The following TENM3 variants were observed in gnomAD, a reference collection of about 807,000 sequenced individuals.
The protein encoded by TENM3 is teneurin-3.
A neutral mutation model predicts 255.1 loss-of-function variants in TENM3; 63 were observed. That is an observed-to-expected ratio of 0.25 (90% CI 0.20 to 0.30). The LOEUF is 0.30. Among genes scored for constraint, TENM3 ranks in the 10% least tolerant of loss-of-function variants. The pLI, the probability that TENM3 is intolerant of heterozygous loss-of-function variation, is 1.00. For missense variants in TENM3, 2,929 were observed against 3,461.1 expected, an observed-to-expected ratio of 0.85 and a Z score of 3.86; for synonymous variants, 1,306 against 1,322.3, an observed-to-expected ratio of 0.99 and a Z score of 0.27.
At chr4:181,994,543 G>GT in the TENM3 span, among the ~76,000 whole-genome samples, 5 of 116,284 alleles carry the variant, frequency 4.3e-5, no homozygotes, top group African/African-American at 1.6e-4. Context: ...TGGTTTTTTT[G>GT]TTTTTTGTGG....
At chr4:181,547,302 G>A in the TENM3 span, among the ~76,000 whole-genome samples, 8 of 152,014 alleles carry the variant, frequency 5.3e-5, no homozygotes, top group East Asian at 1.5e-3. Context: ...ATAGTAGTAG[G>A]TTTGGAAGAC....
chr4:181,762,795 TGGCTAGACATGG>T, the TENM3 span, among the ~76,000 whole-genome samples: 1 of 152,192 alleles, frequency 6.6e-6, no homozygotes, highest in Non-Finnish European at 1.5e-5. Context: ...GAGAATGATA[TGGCTAGACATGG>T]TGCCAGATTC....
chr4:182,268,647 A>G (rs1437751101), intron 1 of TENM3, among the ~76,000 whole-genome samples: 4 of 152,206 alleles, frequency 2.6e-5, no homozygotes, highest in Admixed American at 2.6e-4. Flanking sequence ...AGTTTTCAGT[A>G]AAGGAGCCGG....
chr4:182,357,024 A>G (rs1765598653), intron 3 of TENM3, among the ~76,000 whole-genome samples: 1 of 152,102 alleles, frequency 6.6e-6, no homozygotes. Context: ...AATTTCATCC[A>G]TGTCCCTACA....
chr4:181,886,993 G>C, the TENM3 span, among the ~76,000 whole-genome samples: 13 of 152,134 alleles, frequency 8.5e-5, no homozygotes, highest in Admixed American at 2.0e-4. Context: ...TAGCTACCTT[G>C]ACGAAACTTG....
the TENM3 span, among the ~76,000 whole-genome samples, chr4:181,969,696 C>T: frequency 4.8e-3 from 732 of 152,248 alleles, 28 homozygotes; most frequent in Admixed American, 0.045. Flanking sequence ...AGTTTGAGAT[C>T]CATCGTGTTA....
chr4:182,670,274 A>G (rs1457752197), intron 6 of TENM3, among the ~76,000 whole-genome samples: 3 of 152,352 alleles, frequency 2.0e-5, no homozygotes, highest in South Asian at 2.1e-4. Context: ...AGTGATTACT[A>G]TAACTCAATT....
the TENM3 span, among the ~76,000 whole-genome samples, chr4:181,742,265 A>G: frequency 2.0e-5 from 3 of 152,206 alleles, no homozygotes; most frequent in Admixed American, 1.3e-4. Context: ...ACTTCTGAAA[A>G]GTAACAATAT....
the TENM3 span, among the ~76,000 whole-genome samples, chr4:181,719,836 A>C: frequency 7.2e-5 from 11 of 152,194 alleles, no homozygotes; most frequent in Non-Finnish European, 1.0e-4. Flanking sequence ...GAAATCTGGA[A>C]TCTTGGAAGT....
the TENM3 span, among the ~76,000 whole-genome samples, chr4:181,473,171 T>C: frequency 1.8e-3 from 278 of 152,262 alleles, 2 homozygotes; most frequent in African/African-American, 6.4e-3. Flanking sequence ...AAAATCAAAA[T>C]GAATGTAAAA....
intron 1 of TENM3, among the ~76,000 whole-genome samples, chr4:182,319,986 G>T (rs938320137): frequency 3.3e-5 from 5 of 152,028 alleles, no homozygotes; most frequent in Non-Finnish European, 7.4e-5. Context: ...GGTGGCACGC[G>T]CCTGTAATCC....
At chr4:181,457,779 C>T in the TENM3 span, among the ~76,000 whole-genome samples, 148 of 151,904 alleles carry the variant, frequency 9.7e-4, no homozygotes, top group Non-Finnish European at 1.5e-3. Context: ...AATTCTTATT[C>T]TCACATTTTA....
At chr4:182,310,354 C>T (rs1305753292) in intron 1 of TENM3, among the ~76,000 whole-genome samples, 1 of 152,132 alleles carries the variant, frequency 6.6e-6, no homozygotes, top group East Asian at 1.9e-4. Flanking sequence ...TGCCACCATA[C>T]ACAGCTCTCA....
chr4:181,705,042 A>C, the TENM3 span, among the ~76,000 whole-genome samples: 4 of 31,446 alleles, frequency 1.3e-4, no homozygotes, highest in Admixed American at 4.1e-4. Context: ...TCTCAAAAAC[A>C]AAACAAAACA....
intron 3 of TENM3, among the ~76,000 whole-genome samples, chr4:182,597,444 A>C (rs1447430736): frequency 1.3e-5 from 2 of 152,188 alleles, no homozygotes; most frequent in Non-Finnish European, 2.9e-5. Flanking sequence ...AAGAAATGTT[A>C]TCTCTATTTT....
chr4:182,757,308 T>G (rs1762811578), intron 22 of TENM3, among the ~76,000 whole-genome samples: 1 of 72,772 alleles, frequency 1.4e-5, no homozygotes, highest in African/African-American at 6.0e-5. Context: ...TGAGACTCCG[T>G]CTCAAAAAAA....
chr4:181,705,886 C>T, the TENM3 span, among the ~76,000 whole-genome samples: 100 of 152,258 alleles, frequency 6.6e-4, no homozygotes, highest in African/African-American at 2.3e-3. Context: ...CCTACACTAT[C>T]GTGTACTGGT....
the TENM3 span, among the ~76,000 whole-genome samples, chr4:182,117,317 T>C: frequency 6.6e-6 from 1 of 152,218 alleles, no homozygotes; most frequent in South Asian, 2.1e-4. Flanking sequence ...TCTTTCTTGA[T>C]CATATTTATT....
At chr4:181,553,280 TGTGTGTGTGTGTGTGTGTA>T in the TENM3 span, among the ~76,000 whole-genome samples, 211 of 119,276 alleles carry the variant, frequency 1.8e-3, no homozygotes, top group Middle Eastern at 4.5e-3. Context: ...TGTGTGTGTG[TGTGTGTGTGTGTGTGTGTA>T]GTGTGTGTGT....
Sources: allele counts gnomAD v4.1 joint callset (sites outside exome capture counted in the v4.1 genomes callset), GRCh38; gene constraint gnomAD v4.1.1; transcripts MANE v1.5; gene names NCBI Gene and HGNC (gene_info 2026-07-23, HGNC 2026-07-21).